Variants in AK8 observed in about 807,000 individuals in gnomAD.
The protein encoded by AK8 is ATP-AMP transphosphorylase 8.
In AK8, 44 loss-of-function variants were observed where a neutral mutation model predicts 54.6. The ratio of observed to expected loss-of-function variants is 0.81; its 90% CI spans 0.63 to 1.04. The LOEUF (loss-of-function observed/expected upper bound fraction) is 1.04, where lower values mean the gene tolerates loss of function less well. Ranked by LOEUF, AK8 falls within the 50% of genes least tolerant of loss-of-function variation. The pLI is 0.00. For missense variants in AK8, 555 were observed against 613.6 expected, an observed-to-expected ratio of 0.90 and a Z score of 1.01; for synonymous variants, 239 against 245.6, an observed-to-expected ratio of 0.97 and a Z score of 0.25.
chr9:132,752,724 A>G lies in AK8; in HGVS notation c.1122-25190T>C, dbSNP rs1433110264. Among the ~76,000 whole-genome samples the G allele has an allele frequency of 1.6e-4, 10 of 62,042 alleles. No individual in the cohort carries two copies. In the Admixed American group the frequency reaches 1.7e-3, roughly 11 times the overall value. The allele number at this position is 62,042 out of a possible 152,430, so 40.7% of individuals were successfully genotyped here. A position where few individuals can be genotyped will look rare whatever the true frequency, so the allele number is the denominator to read the frequency against. On this transcript the variant is annotated intron_variant, in intron 11 of 12. Transcript: ENST00000298545. ...AGGACATGGACGCTGGCTGCCCCCC[A>G]CCCACCCCACCTGCAGAACTCTTCC...
At chr9:132,814,545 A>G (rs562622072) in intron 10 of AK8, 93 bp downstream of exon 10, 62 of 1,287,032 alleles carry the variant, frequency 4.8e-5, no homozygotes, top group East Asian at 2.4e-4. Context: ...GTTCTCCCCA[A>G]TTTTGAGCCC....
intron 5 of AK8, among the ~76,000 whole-genome samples, chr9:132,839,571 T>G (rs1056654386): frequency 1.3e-5 from 2 of 152,138 alleles, no homozygotes; most frequent in African/African-American, 4.8e-5. Context: ...ACAGCATCCC[T>G]CCGCAGGCTC....
intron 5 of AK8, among the ~76,000 whole-genome samples, chr9:132,829,481 T>C (rs1242693907): frequency 6.6e-6 from 1 of 152,132 alleles, no homozygotes; most frequent in East Asian, 1.9e-4. Flanking sequence ...GCTTTCCACA[T>C]TTTGGATAAT....
At chr9:132,727,918 C>A (rs1836651639) in intron 11 of AK8, among the ~76,000 whole-genome samples, 1 of 152,192 alleles carries the variant, frequency 6.6e-6, no homozygotes, top group African/African-American at 2.4e-5. Flanking sequence ...CTCACTCCTG[C>A]TGCCACCTGA....
intron 12 of AK8, 89 bp downstream of exon 12, chr9:132,727,365 G>A: frequency 1.7e-6 from 2 of 1,206,244 alleles, no homozygotes; most frequent in Non-Finnish European, 2.5e-6. Flanking sequence ...TGTTATCCCT[G>A]CAGTGTTTCC....
At chr9:132,728,629 A>G (rs1262310963) in intron 11 of AK8, among the ~76,000 whole-genome samples, 1 of 152,154 alleles carries the variant, frequency 6.6e-6, no homozygotes, top group Non-Finnish European at 1.5e-5. Flanking sequence ...CTGGGAGTTC[A>G]GGCTCCCTGA....
chr9:132,808,217 C>T (rs1231453789), intron 10 of AK8, among the ~76,000 whole-genome samples: 1 of 152,158 alleles, frequency 6.6e-6, no homozygotes, highest in African/African-American at 2.4e-5. Context: ...TTATCGTATG[C>T]AGAGCAAACT....
At chr9:132,743,742 C>G (rs889390519) in intron 11 of AK8, among the ~76,000 whole-genome samples, 6 of 152,158 alleles carry the variant, frequency 3.9e-5, no homozygotes, top group African/African-American at 1.4e-4. Context: ...GTAGTAAGCA[C>G]GTTACATGCA....
intron 5 of AK8, among the ~76,000 whole-genome samples, chr9:132,831,079 C>T (rs753799471): frequency 6.6e-6 from 1 of 152,164 alleles, no homozygotes; most frequent in Non-Finnish European, 1.5e-5. Flanking sequence ...AATGCTGATA[C>T]GACATTGGCT....
chr9:132,725,620 C>T lies in AK8; in HGVS notation c.*68G>A, dbSNP rs897523493. 41 of 1,402,774 alleles carry T rather than the reference C, an allele frequency of 2.9e-5. No homozygotes were observed. The highest frequency in any genetic ancestry group is 8.5e-5 in the African/African-American group (6 of 70,512). 86.9% of individuals were successfully genotyped at this position (1,402,774 alleles called of 1,614,324 possible). A position where few individuals can be genotyped will look rare whatever the true frequency, so the allele number is the denominator to read the frequency against. Reference sequence around the variant, plus strand: ...TATTGGCTTTTTAGGGGAGCTGTGCCGAGGCTGGGGGGCTGGGGGCAGGGG... The same window carrying T: ...TATTGGCTTTTTAGGGGAGCTGTGCTGAGGCTGGGGGGCTGGGGGCAGGGG... On this transcript the variant is annotated 3_prime_UTR_variant, in exon 13 of 13. Transcript: ENST00000298545.
At chr9:132,855,084 C>A (rs1009089295) in intron 4 of AK8, among the ~76,000 whole-genome samples, 159 bp from the exon 5 acceptor site, 1 of 152,130 alleles carries the variant, frequency 6.6e-6, no homozygotes, top group African/African-American at 2.4e-5. Flanking sequence ...TTTCCTTGAA[C>A]TCTCTTCTCC....
At chr9:132,851,988 G>A (rs936106675) in intron 5 of AK8, among the ~76,000 whole-genome samples, 1 of 152,160 alleles carries the variant, frequency 6.6e-6, no homozygotes, top group Admixed American at 6.5e-5. Context: ...CTCGAAAGCG[G>A]CTATTACAAG....
chr9:132,826,918 G>A lies in AK8; in HGVS notation c.693C>T (p.Pro231=). Residue 231 remains proline, a synonymous_variant, in exon 8 of 13, where the codon CCC becomes CCT. Coordinates refer to ENST00000298545, the MANE Select transcript of AK8 (RefSeq NM_152572.3). The surrounding 1 kb of genome is among the most constrained non-coding windows in gnomAD (Gnocchi z 4.5). ...EYHRNIVRVI[P]SYPKILKVIS... ...TGACTTTGAGGATTTTGGGGTAGGA[G>A]GGAATGACCCTGACGATGTTCCTAT... 5 of 1,614,254 alleles carry A rather than the reference G, an allele frequency of 3.1e-6. No homozygotes were observed. The highest frequency in any genetic ancestry group is 4.2e-6 in the Non-Finnish European group (5 of 1,180,046).
At chr9:132,853,996 T>C (rs1843072918) in intron 5 of AK8, among the ~76,000 whole-genome samples, 2 of 151,708 alleles carry the variant, frequency 1.3e-5, no homozygotes, top group South Asian at 2.1e-4. Flanking sequence ...GCCTAGGAGT[T>C]TGATAACCAG....
intron 11 of AK8, among the ~76,000 whole-genome samples, chr9:132,742,508 T>C (rs1379958633): frequency 6.6e-6 from 1 of 151,916 alleles, no homozygotes; most frequent in East Asian, 1.9e-4. Flanking sequence ...TGAACCAAGG[T>C]CACACTCTGG....
intron 5 of AK8, among the ~76,000 whole-genome samples, chr9:132,829,446 C>T (rs1264752504): frequency 1.3e-5 from 2 of 152,106 alleles, no homozygotes; most frequent in East Asian, 3.9e-4. Context: ...GATAATACCT[C>T]GATGAACATC....
chr9:132,762,863 C>A (rs576040434), intron 11 of AK8, among the ~76,000 whole-genome samples: 2 of 152,038 alleles, frequency 1.3e-5, no homozygotes, highest in East Asian at 3.9e-4. Flanking sequence ...GGTGACAGAG[C>A]GAGACTCTAT....
intron 2 of AK8, among the ~76,000 whole-genome samples, chr9:132,867,990 G>A (rs544839012): frequency 4.3e-4 from 65 of 152,334 alleles, no homozygotes; most frequent in Non-Finnish European, 6.3e-4. Flanking sequence ...CTGGACAGAT[G>A]CATCCACACT....
chr9:132,742,529 G>A (rs1165376606), intron 11 of AK8, among the ~76,000 whole-genome samples: 1 of 152,130 alleles, frequency 6.6e-6, no homozygotes, highest in Non-Finnish European at 1.5e-5. Flanking sequence ...GGTGACCTTT[G>A]GCCAAAAACT....
Sources: gnomAD v4.1 joint callset for allele counts (sites outside exome capture counted in the v4.1 genomes callset) on GRCh38, gnomAD v4.1.1 for gene constraint, Gnocchi (gnomAD v3.1) non-coding constraint, MANE v1.5 for transcripts, NCBI Gene and HGNC (gene_info 2026-07-23, HGNC 2026-07-21) for gene names.